Variants in MTHFD1 observed in about 807,000 individuals in gnomAD.
MTHFD1 encodes the protein C-1-tetrahydrofolate synthase, cytoplasmic.
Under a neutral mutation model 110.3 loss-of-function variants are expected in MTHFD1, and 44 were observed. The observed-to-expected ratio is 0.40, with a 90% CI of 0.31 to 0.51. The LOEUF is 0.51. Ranked by LOEUF, MTHFD1 falls within the 20% of genes least tolerant of loss-of-function variation. The pLI is 0.60. For synonymous variants in MTHFD1, 402 were observed against 428.8 expected, an observed-to-expected ratio of 0.94 and a Z score of 0.77; for missense variants, 909 against 1,173.1, an observed-to-expected ratio of 0.77 and a Z score of 3.29.
intron 19 of MTHFD1, 82 bp downstream of exon 19, chr14:64,441,535 G>C: frequency 7.6e-7 from 1 of 1,319,952 alleles, no homozygotes. Context: ...TGCAAGGCGC[G>C]GTGGCTCACA....
At chr14:64,427,605 C>T (rs2078127775) in intron 12 of MTHFD1, 132 bp downstream of exon 12, 4 of 927,722 alleles carry the variant, frequency 4.3e-6, no homozygotes, top group Admixed American at 1.8e-5. Flanking sequence ...TTCTCACAAA[C>T]CTCTGTAGTC....
At position 64,408,540 on chromosome 14, in the gene MTHFD1, T is replaced by C. The variant is rs536921787; in HGVS notation, c.127-2550T>C. ...CTGACCTTAGGTGATCTGCCCGCCT[T>C]AGCCTCCCAAAGTGCTGGGATTACA... On this transcript the variant is annotated intron_variant, in intron 2 of 27. Coordinates refer to ENST00000652337, the MANE Select transcript of MTHFD1 (RefSeq NM_005956.4). Among the ~76,000 whole-genome samples the C allele has an allele frequency of 3.3e-5, 5 of 152,300 alleles. No homozygotes were observed. In the South Asian group the frequency reaches 1.0e-3, roughly 32 times the overall value.
intron 4 of MTHFD1, 82 bp downstream of exon 4, chr14:64,412,607 T>A: frequency 2.0e-6 from 2 of 1,020,362 alleles, no homozygotes; most frequent in Non-Finnish European, 3.1e-6. Flanking sequence ...CTTTGGGGAC[T>A]GACACATTTA....
At chr14:64,425,617 T>A in intron 9 of MTHFD1, 113 bp from the exon 10 acceptor site, 1 of 870,492 alleles carries the variant, frequency 1.1e-6, no homozygotes, top group Non-Finnish European at 2.0e-6. Context: ...TGGTAATAAG[T>A]GGGTCTGAAG....
chr14:64,393,023 T>G (rs905659207), intron 1 of MTHFD1, among the ~76,000 whole-genome samples: 1 of 152,094 alleles, frequency 6.6e-6, no homozygotes, highest in South Asian at 2.1e-4. Context: ...GAAGGGCAGG[T>G]CTTCTTGGTT....
chr14:64,394,692 A>T (rs1486358596), intron 1 of MTHFD1, among the ~76,000 whole-genome samples: 2 of 152,070 alleles, frequency 1.3e-5, no homozygotes, highest in East Asian at 3.9e-4. Flanking sequence ...GACTGCAATG[A>T]ATGACTTAAC....
At chr14:64,457,613 G>A (rs1289705532) in intron 26 of MTHFD1, among the ~76,000 whole-genome samples, 21 of 151,784 alleles carry the variant, frequency 1.4e-4, no homozygotes, top group Non-Finnish European at 5.9e-5. Flanking sequence ...ACGCCACCAT[G>A]CCCAGCTAAT....
At chr14:64,416,744 C>T (rs1238655045) in intron 6 of MTHFD1, among the ~76,000 whole-genome samples, 1 of 152,118 alleles carries the variant, frequency 6.6e-6, no homozygotes, top group Non-Finnish European at 1.5e-5. Context: ...TATTCTTCAG[C>T]ATATTTAGCA....
intron 21 of MTHFD1, among the ~76,000 whole-genome samples, chr14:64,443,678 G>T (rs995787187): frequency 6.6e-6 from 1 of 152,132 alleles, no homozygotes; most frequent in Non-Finnish European, 1.5e-5. Context: ...ACTCCTTTCT[G>T]CTAGTAGCAC....
In MTHFD1 at chr14:64,442,106, A is replaced by G. The variant is rs2078253972; in HGVS notation, c.1937A>G (p.Asn646Ser). Residue 646 changes from asparagine to serine, a missense_variant, in exon 20 of 28, where the codon AAT becomes AGT. Asn to Ser is a conservative substitution (Grantham distance 46). This residue lies in a region of MTHFD1 where 482 missense variants were observed against 646.0 expected (regional missense o/e 0.75). Coordinates refer to ENST00000652337, the MANE Select transcript of MTHFD1 (RefSeq NM_005956.4). ...AGPFANIAHG[N>S]SSIIADRIAL... ...CCGTTTGCCAACATCGCACATGGCA[A>G]TTCCTCCATCATTGCAGACCGGATC... is the stretch of plus-strand genomic sequence containing the variant. 3 of 1,614,134 alleles carry G rather than the reference A, an allele frequency of 1.9e-6. No homozygotes were observed. Among genetic ancestry groups the G allele is most frequent in the Non-Finnish European group, 1.7e-6 (2 of 1,180,036 alleles).
chr14:64,404,492 C>T (rs8011839), intron 2 of MTHFD1, among the ~76,000 whole-genome samples: 32,143 of 152,086 alleles, frequency 0.21, 3,842 homozygotes, highest in African/African-American at 0.33. Context: ...CATATTTTTA[C>T]GGACAAATGT....
At chr14:64,439,428 T>C (rs2078231401) in intron 17 of MTHFD1, 1 of 531,836 alleles carries the variant, frequency 1.9e-6, no homozygotes, top group Admixed American at 3.2e-5. Context: ...TATCCTTGCA[T>C]AGAAATTGAT....
chr14:64,454,196 T>A (rs1330121247), intron 25 of MTHFD1, among the ~76,000 whole-genome samples: 3 of 152,234 alleles, frequency 2.0e-5, no homozygotes, highest in Non-Finnish European at 4.4e-5. Context: ...CACTGCAGCC[T>A]CTGACTCCTA....
intron 24 of MTHFD1, among the ~76,000 whole-genome samples, chr14:64,451,711 T>C (rs1339085584): frequency 1.3e-5 from 2 of 152,242 alleles, no homozygotes; most frequent in African/African-American, 4.8e-5. Flanking sequence ...CTTGCAACTT[T>C]TATCCATTCT....
chr14:64,398,915 G>C (rs2077876970), intron 1 of MTHFD1, among the ~76,000 whole-genome samples: 1 of 152,214 alleles, frequency 6.6e-6, no homozygotes, highest in Non-Finnish European at 1.5e-5. Context: ...GTGTATTGTT[G>C]AGAAGTTGTA....
At chr14:64,423,744 T>G (rs1400662460) in intron 8 of MTHFD1, among the ~76,000 whole-genome samples, 1 of 149,280 alleles carries the variant, frequency 6.7e-6, no homozygotes, top group Non-Finnish European at 1.5e-5. Context: ...CTTTTTTTTC[T>G]GAGACAGAGT....
intron 1 of MTHFD1, 72 bp from the exon 2 acceptor site, chr14:64,400,721 A>T: frequency 1.1e-6 from 1 of 950,048 alleles, no homozygotes; most frequent in Non-Finnish European, 1.7e-6. Flanking sequence ...AGAGAAATAC[A>T]TCTAATAATC....
At chr14:64,427,506 G>A in intron 12 of MTHFD1, 33 bp downstream of exon 12, 1 of 1,612,492 alleles carries the variant, frequency 6.2e-7, no homozygotes, top group South Asian at 1.1e-5. Context: ...GGTGGTGACA[G>A]GGGACCTGCT....
intron 6 of MTHFD1, among the ~76,000 whole-genome samples, 190 bp downstream of exon 6, chr14:64,415,929 T>C (rs940952219): frequency 1.3e-5 from 2 of 152,196 alleles, no homozygotes; most frequent in Non-Finnish European, 2.9e-5. Context: ...TAGGTACTGT[T>C]ATTGTTCAAC....
Sources: gnomAD v4.1 joint callset for allele counts (sites outside exome capture counted in the v4.1 genomes callset) on GRCh38, gnomAD v4.1.1 for gene constraint, gnomAD v4.1.1 regional missense constraint, MANE v1.5 for transcripts, NCBI Gene and HGNC (gene_info 2026-07-23, HGNC 2026-07-21) for gene names.